The following GRK1 variants were observed in gnomAD, a reference collection of about 807,000 sequenced individuals.
GRK1 encodes the protein G protein-coupled receptor kinase 1.
In GRK1, 28 loss-of-function variants were observed where a neutral mutation model predicts 41.7. The observed-to-expected ratio is 0.67, with a 90% CI of 0.50 to 0.92. GRK1 has a LOEUF of 0.92. Among genes scored for constraint, GRK1 ranks in the 40% least tolerant of loss-of-function variants. GRK1 has a pLI of 0.00. For missense variants in GRK1, 703 were observed against 671.2 expected, an observed-to-expected ratio of 1.05 and a Z score of -0.52; for synonymous variants, 327 against 286.7, an observed-to-expected ratio of 1.14 and a Z score of -1.42.
chr13:113,670,482 C>T (rs752024616), intron 2 of GRK1, among the ~76,000 whole-genome samples: 4 of 152,216 alleles, frequency 2.6e-5, no homozygotes, highest in East Asian at 3.8e-4. Flanking sequence ...GTCTGATGCC[C>T]GTAAGGTTAG....
intron 4 of GRK1, among the ~76,000 whole-genome samples, chr13:113,723,703 T>C (rs561395538): frequency 3.3e-5 from 5 of 152,242 alleles, no homozygotes; most frequent in African/African-American, 9.6e-5. Flanking sequence ...AGCTTGACTC[T>C]TTCCTTTAGT....
the GRK1 span, among the ~76,000 whole-genome samples, chr13:113,655,630 T>A: frequency 6.6e-6 from 1 of 152,180 alleles, no homozygotes; most frequent in Non-Finnish European, 1.5e-5. Context: ...TGTGCTGTCT[T>A]CGTCTCTGTA....
At chr13:113,663,549 G>A (rs562337242), upstream of GRK1, among the ~76,000 whole-genome samples, 13 of 152,246 alleles carry the variant, frequency 8.5e-5, no homozygotes, top group Admixed American at 2.6e-4. Flanking sequence ...GAGGATATTC[G>A]AAAACCGCAT....
rs1226098834 is a variant in GRK1, at chr13:113,733,913, TGTGC to T, written c.1396+832_1396+835del. Among the ~76,000 whole-genome samples, 532 of 96,310 alleles carry T rather than the reference TGTGC, an allele frequency of 5.5e-3. 9 individuals carry two copies. The highest frequency in any genetic ancestry group is 0.025 in the African/African-American group (434 of 17,180). 63.2% of individuals were successfully genotyped at this position (96,310 alleles called of 152,430 possible). A position where few individuals can be genotyped will look rare whatever the true frequency, so the allele number is the denominator to read the frequency against. Reference sequence around the variant, plus strand: ...TGCGTGTGTGTATGTGTGCATACAGTGTGCGTGTGTGCATGTGTGCATACGTGTG... The same window carrying T: ...TGCGTGTGTGTATGTGTGCATACAGTGTGTGTGCATGTGTGCATACGTGTG... On this transcript the variant is annotated intron_variant, in intron 6 of 6. Transcript: ENST00000335678.
In GRK1 at chr13:113,723,170, G is replaced by A. The variant is rs1422272041; in HGVS notation, c.1069+13G>A. On this transcript the variant is annotated intron_variant, in intron 4 of 6. Coordinates refer to ENST00000335678, the MANE Select transcript of GRK1 (RefSeq NM_002929.3). ...GCAGGGACCCCAGGTAAGGGTCTGA[G>A]CGCAGCTGGGGAGGCTCCGTGCATG... is the stretch of plus-strand genomic sequence containing the variant. The A allele has an allele frequency of 1.4e-6, 1 of 699,532 alleles. No homozygotes were observed. The highest frequency in any genetic ancestry group is 2.0e-5 in the Admixed American group (1 of 49,754). 43.3% of individuals were successfully genotyped at this position (699,532 alleles called of 1,614,324 possible).
intron 6 of GRK1, among the ~76,000 whole-genome samples, chr13:113,734,051 C>T (rs557924274): frequency 1.6e-4 from 22 of 140,622 alleles, no homozygotes; most frequent in South Asian, 1.6e-3. Context: ...TGTGTGCATA[C>T]GTGTGTGTGC....
intron 3 of GRK1, among the ~76,000 whole-genome samples, chr13:113,672,424 G>GT (rs1460364006): frequency 6.8e-6 from 1 of 147,302 alleles, no homozygotes; most frequent in Non-Finnish European, 1.5e-5. Context: ...TGGTGTGTTC[G>GT]TGGTGTGGTG....
chr13:113,655,221 C>T, the GRK1 span, among the ~76,000 whole-genome samples: 2 of 152,216 alleles, frequency 1.3e-5, no homozygotes, highest in Non-Finnish European at 2.9e-5. Context: ...GCTGCCTTCA[C>T]TCCAGCCGCT....
chr13:113,729,609 C>T (rs1467506195), intron 4 of GRK1, among the ~76,000 whole-genome samples: 9 of 152,210 alleles, frequency 5.9e-5, no homozygotes, highest in South Asian at 2.1e-4. Context: ...CCTGAAGCTG[C>T]ACAGAACTGT....
Position 113,733,073 on chromosome 13 carries a change from C to T in GRK1, c.1384C>T (p.Gln462Ter), listed in dbSNP as rs1594580431. The T allele has an allele frequency of 1.3e-6, 2 of 1,536,406 alleles. No individual in the cohort carries two copies. Among genetic ancestry groups the T allele is most frequent in the Middle Eastern group, 1.7e-4 (1 of 5,848 alleles). ...HPLFKDLNWR[Q>*]LEAGMLMPPF... Reference sequence around the variant, plus strand: ...CCTCTTCAAGGACCTTAACTGGAGGCAGCTGGAGGCTGGTACTGTTGGACG... The same window carrying T: ...CCTCTTCAAGGACCTTAACTGGAGGTAGCTGGAGGCTGGTACTGTTGGACG... Residue 462 changes from glutamine to a stop codon, truncating the protein, a stop_gained, in exon 6 of 7, where the codon CAG (glutamine) becomes TAG (stop). Coordinates refer to ENST00000335678, the MANE Select transcript of GRK1 (RefSeq NM_002929.3). LOFTEE classifies it low-confidence loss of function (END_TRUNC).
intron 2 of GRK1, among the ~76,000 whole-genome samples, chr13:113,670,043 T>C (rs939358687): frequency 2.0e-5 from 3 of 152,174 alleles, no homozygotes; most frequent in African/African-American, 7.2e-5. Flanking sequence ...CAATCAGGGC[T>C]CGTCCTGTGT....
intron 6 of GRK1, among the ~76,000 whole-genome samples, chr13:113,734,230 G>A (rs750638402): frequency 3.3e-5 from 5 of 152,202 alleles, no homozygotes; most frequent in Non-Finnish European, 5.9e-5. Context: ...ACGAGAAGTC[G>A]CTTTCGTATG....
intron 4 of GRK1, among the ~76,000 whole-genome samples, chr13:113,730,202 G>A (rs1343875322): frequency 7.1e-5 from 7 of 97,990 alleles, no homozygotes; most frequent in South Asian, 4.2e-4. Flanking sequence ...ACCCAGACCC[G>A]TCCCTCCATC....
At position 113,667,284 on chromosome 13, in the gene GRK1, C is replaced by A. The variant is rs2049824483; in HGVS notation, c.-103C>A. Reference sequence around the variant, plus strand: ...CTCGTCCAGCAAGGGCAGGGACGGGCCACAGGCCAAGGGCAGCAGTCAGGC... The same window carrying A: ...CTCGTCCAGCAAGGGCAGGGACGGGACACAGGCCAAGGGCAGCAGTCAGGC... On this transcript the variant is annotated 5_prime_UTR_variant, in exon 1 of 7. Coordinates refer to ENST00000335678, the MANE Select transcript of GRK1 (RefSeq NM_002929.3). The surrounding 1 kb of genome is among the most constrained non-coding windows in gnomAD (Gnocchi z 7.5). 1.7e-6 allele frequency: 2 copies of A among 1,180,528 alleles called. No homozygotes were observed. The highest frequency in any genetic ancestry group is 1.2e-6 in the Non-Finnish European group (1 of 859,240). 73.1% of individuals were successfully genotyped at this position (1,180,528 alleles called of 1,614,324 possible).
In GRK1 at chr13:113,735,200, C is replaced by A; in HGVS notation, c.1529C>A (p.Ala510Asp). 6.5e-7 allele frequency: 1 copy of A among 1,537,196 alleles called. No homozygotes were observed. The highest frequency in any genetic ancestry group is 1.2e-5 in the South Asian group (1 of 84,066). ...KTDTEFFQEF[A>D]TGNCPIPWQE... ...GACACAGAATTCTTTCAGGAATTTG[C>A]CACTGGCAACTGCCCCATCCCCTGG... Residue 510 changes from alanine to aspartate, a missense_variant, in exon 7 of 7, where the codon GCC becomes GAC. Coordinates refer to ENST00000335678, the MANE Select transcript of GRK1 (RefSeq NM_002929.3).
Position 113,669,583 on chromosome 13 carries a change from C to T in GRK1, c.700-104C>T, listed in dbSNP as rs139503986. On this transcript the variant is annotated intron_variant, in intron 1 of 6. Coordinates refer to ENST00000335678, the MANE Select transcript of GRK1 (RefSeq NM_002929.3). Reference sequence around the variant, plus strand: ...ATTTAAAGCATGTTTGCGACTGCTCCGTGGCTGTGTGCAGTGGGCGTGGCC... The same window carrying T: ...ATTTAAAGCATGTTTGCGACTGCTCTGTGGCTGTGTGCAGTGGGCGTGGCC... 6.1e-3 allele frequency: 8,559 copies of T among 1,402,140 alleles called. 53 individuals are homozygous for T. The highest frequency in any genetic ancestry group is 0.031 in the Middle Eastern group (173 of 5,562). The allele number at this position is 1,402,140 out of a possible 1,614,324, so 86.9% of individuals were successfully genotyped here. A position where few individuals can be genotyped will look rare whatever the true frequency, so the allele number is the denominator to read the frequency against.
intron 4 of GRK1, 70 bp downstream of exon 4, chr13:113,723,227 T>C: frequency 1.5e-6 from 1 of 648,238 alleles, no homozygotes; most frequent in Non-Finnish European, 2.9e-6. Flanking sequence ...TGTGTGCCTG[T>C]GTGCACTTGC....
At chr13:113,651,542 G>T in the GRK1 span, 1 of 1,075,514 alleles carries the variant, frequency 9.3e-7, no homozygotes, top group Non-Finnish European at 1.3e-6. Flanking sequence ...CGGTGTTTAC[G>T]TCTGGTTTAC....
chr13:113,662,047 C>A, the GRK1 span, among the ~76,000 whole-genome samples: 1 of 152,302 alleles, frequency 6.6e-6, no homozygotes, highest in Non-Finnish European at 1.5e-5. Context: ...CAATATCCCT[C>A]ATGAATATAG....
Sources: allele counts gnomAD v4.1 joint callset (sites outside exome capture counted in the v4.1 genomes callset), GRCh38; gene constraint gnomAD v4.1.1; non-coding constraint Gnocchi (gnomAD v3.1); transcripts MANE v1.5; gene names NCBI Gene and HGNC (gene_info 2026-07-23, HGNC 2026-07-21).